Variants in ABCG2 observed in about 807,000 individuals in gnomAD.
The protein encoded by ABCG2 is broad substrate specificity ATP-binding cassette transporter ABCG2.
ABCG2 carries 80 observed loss-of-function variants against 73.5 expected under a neutral mutation model. The ratio of observed to expected loss-of-function variants is 1.09; its 90% CI spans 0.91 to 1.31. ABCG2 has a LOEUF of 1.31. ABCG2 is among the 50% of genes most tolerant of loss of function. The probability of loss-of-function intolerance (pLI) is 0.00; values close to 1 mark genes in which losing one functional copy is unlikely to be tolerated. For missense variants in ABCG2, 796 were observed against 786.2 expected (o/e 1.01, Z -0.15); for synonymous variants, 269 against 282.4 (o/e 0.95, Z 0.48).
chr4:88,211,589 T>C (rs1312110053), intron 1 of ABCG2, among the ~76,000 whole-genome samples: 6 of 152,090 alleles, frequency 3.9e-5, no homozygotes, highest in African/African-American at 1.4e-4. Flanking sequence ...GGTAATTTTT[T>C]TGTATTTTAA....
chr4:88,151,015 G>A (rs1726440331), intron 1 of ABCG2, among the ~76,000 whole-genome samples: 1 of 152,194 alleles, frequency 6.6e-6, no homozygotes, highest in African/African-American at 2.4e-5. Context: ...ATAAATGACA[G>A]TGGTTCAGCT....
chr4:88,092,859 T>C (rs1171425113), intron 15 of ABCG2, among the ~76,000 whole-genome samples: 1 of 152,196 alleles, frequency 6.6e-6, no homozygotes, highest in East Asian at 1.9e-4. Context: ...ACAGTACTCT[T>C]TACGCTTACA....
chr4:88,156,360 G>C (rs902525144), intron 1 of ABCG2, among the ~76,000 whole-genome samples: 2 of 94,876 alleles, frequency 2.1e-5, no homozygotes, highest in East Asian at 3.7e-4. Flanking sequence ...GGGCGACAAA[G>C]ACTCCGTCTC....
At chr4:88,181,750 C>T (rs1728262738) in intron 1 of ABCG2, among the ~76,000 whole-genome samples, 1 of 151,956 alleles carries the variant, frequency 6.6e-6, no homozygotes, top group South Asian at 2.1e-4. Flanking sequence ...ATATTATTTG[C>T]AAGCCTCATA....
intron 10 of ABCG2, among the ~76,000 whole-genome samples, chr4:88,103,363 A>G (rs1465742359): frequency 6.6e-6 from 1 of 152,188 alleles, no homozygotes; most frequent in Non-Finnish European, 1.5e-5. Flanking sequence ...AAGGAAGTTA[A>G]TTCATTCTAA....
intron 1 of ABCG2, among the ~76,000 whole-genome samples, chr4:88,144,983 C>T (rs1482115111): frequency 2.0e-5 from 3 of 151,108 alleles, no homozygotes; most frequent in African/African-American, 7.3e-5. Flanking sequence ...AAAAAAAGTG[C>T]ACAGGTAGAG....
intron 5 of ABCG2, among the ~76,000 whole-genome samples, chr4:88,123,851 C>T (rs1227436700): frequency 6.6e-6 from 1 of 152,078 alleles, no homozygotes; most frequent in Non-Finnish European, 1.5e-5. Context: ...AACCCCAAGA[C>T]ACATAATCAT....
chr4:88,159,184 GCTCATTGGGCTGATCAGTAC>G (rs965723952), upstream of ABCG2: 2 of 456,222 alleles, frequency 4.4e-6, no homozygotes, highest in Admixed American at 2.3e-5. Context: ...ATCACCAGGC[GCTCATTGGGCTGATCAGTAC>G]CTCGTCTGAC....
intron 1 of ABCG2, among the ~76,000 whole-genome samples, chr4:88,217,398 T>C (rs148403539): frequency 5.3e-4 from 80 of 152,212 alleles, no homozygotes; most frequent in African/African-American, 1.9e-3. Flanking sequence ...CGGTGGCTCA[T>C]GTCTATAATC....
chr4:88,172,994 C>A (rs1006446594), intron 1 of ABCG2, among the ~76,000 whole-genome samples: 1 of 152,164 alleles, frequency 6.6e-6, no homozygotes, highest in Non-Finnish European at 1.5e-5. Flanking sequence ...GCTCCTGTTC[C>A]ATTAGTGATC....
intron 1 of ABCG2, among the ~76,000 whole-genome samples, chr4:88,183,445 T>C (rs1487724987): frequency 1.3e-5 from 2 of 152,066 alleles, no homozygotes; most frequent in Non-Finnish European, 1.5e-5. Context: ...TAAGCAACCA[T>C]AGGATAATAA....
At chr4:88,112,734 A>T (rs2110005568) in intron 9 of ABCG2, among the ~76,000 whole-genome samples, 1 of 152,320 alleles carries the variant, frequency 6.6e-6, no homozygotes, top group South Asian at 2.1e-4. Context: ...TCCCAAAAAA[A>T]AAATTTTTCT....
intron 9 of ABCG2, among the ~76,000 whole-genome samples, chr4:88,109,001 ATT>A (rs35911715): frequency 1.7e-4 from 24 of 140,880 alleles, no homozygotes; most frequent in African/African-American, 3.9e-4. Flanking sequence ...TCAATTCAGG[ATT>A]TTTTTTTTTT....
Position 88,113,302 on chromosome 4 carries a change from C to A in ABCG2, c.1194+1G>T, listed in dbSNP as rs934095463. 2.5e-6 allele frequency: 4 copies of A among 1,612,420 alleles called. No homozygotes were observed. Among genetic ancestry groups the A allele is most frequent in the Admixed American group, 1.7e-5 (1 of 59,584 alleles). ...GTATTTCAAAAGAATCTGCTGGTTACCTGAGCTATAGAGGCCTGGGGATTA... is the reference window on the plus strand; with the variant it reads ...GTATTTCAAAAGAATCTGCTGGTTAACTGAGCTATAGAGGCCTGGGGATTA... On this transcript the variant is annotated splice_donor_variant, in intron 9 of 15. Coordinates refer to ENST00000237612, the MANE Select transcript of ABCG2 (RefSeq NM_004827.3). LOFTEE classifies it high-confidence loss of function.
chr4:88,137,714 A>C (rs923234746), intron 2 of ABCG2, among the ~76,000 whole-genome samples: 1 of 152,222 alleles, frequency 6.6e-6, no homozygotes, highest in Non-Finnish European at 1.5e-5. Context: ...AAGGAGAAGG[A>C]AGCACCATGT....
intron 1 of ABCG2, among the ~76,000 whole-genome samples, chr4:88,200,946 G>A (rs1729138501): frequency 2.0e-5 from 3 of 151,922 alleles, no homozygotes; most frequent in Non-Finnish European, 4.4e-5. Flanking sequence ...GTGGGATGCA[G>A]CAATTGCAAT....
chr4:88,135,731 A>G (rs796248293), intron 2 of ABCG2, among the ~76,000 whole-genome samples: 18 of 152,334 alleles, frequency 1.2e-4, no homozygotes, highest in Middle Eastern at 6.8e-3. Flanking sequence ...AGGCATTCAA[A>G]ATTTGTTGAA....
At chr4:88,094,834 C>T (rs1455123817) in intron 14 of ABCG2, among the ~76,000 whole-genome samples, 175 bp from the exon 15 acceptor site, 1 of 152,182 alleles carries the variant, frequency 6.6e-6, no homozygotes, top group East Asian at 1.9e-4. Context: ...AATCAAGAAA[C>T]CTAGGGTTGG....
At chr4:88,196,528 A>C (rs545429679) in intron 1 of ABCG2, among the ~76,000 whole-genome samples, 29 of 152,296 alleles carry the variant, frequency 1.9e-4, no homozygotes, top group African/African-American at 7.0e-4. Flanking sequence ...TTGATGCAAA[A>C]GCTGTCAAGT....
Sources: gnomAD v4.1 joint callset for allele counts (sites outside exome capture counted in the v4.1 genomes callset) on GRCh38, gnomAD v4.1.1 for gene constraint, MANE v1.5 for transcripts, NCBI Gene and HGNC (gene_info 2026-07-23, HGNC 2026-07-21) for gene names.